The following NXPH1 variants were observed in gnomAD, a reference collection of about 807,000 sequenced individuals.
NXPH1 encodes neurexophilin 1.
A neutral mutation model predicts 23.7 loss-of-function variants in NXPH1; 5 were observed. The ratio of observed to expected loss-of-function variants is 0.21; its 90% CI spans 0.11 to 0.44. The LOEUF is 0.44. Among genes scored for constraint, NXPH1 ranks in the 20% least tolerant of loss-of-function variants. NXPH1 has a pLI of 0.99. For synonymous variants in NXPH1, 144 were observed against 122.2 expected (o/e 1.18, Z -1.18); for missense variants, 324 against 321.6 (o/e 1.01, Z -0.06).
intron 2 of NXPH1, among the ~76,000 whole-genome samples, chr7:8,518,199 C>T (rs1037914386): frequency 2.6e-5 from 4 of 151,782 alleles, no homozygotes; most frequent in Admixed American, 6.6e-5. Flanking sequence ...AAGGAAAAAC[C>T]CAGACTTATT....
At chr7:8,668,995 G>A (rs189206544) in intron 2 of NXPH1, among the ~76,000 whole-genome samples, 52 of 152,168 alleles carry the variant, frequency 3.4e-4, no homozygotes, top group African/African-American at 1.3e-3. Context: ...TGGAGCATGG[G>A]TGTGTGAGTG....
chr7:8,672,134 A>C lies in NXPH1; in HGVS notation c.55-78874A>C, dbSNP rs1237801821. ...AAATGTGGCACATATACACCATGGAATACTATGCAGCCATAAAAAATGATG... is the reference window on the plus strand; with the variant it reads ...AAATGTGGCACATATACACCATGGACTACTATGCAGCCATAAAAAATGATG... On this transcript the variant is annotated intron_variant, in intron 2 of 2. Transcript: ENST00000405863. Among the ~76,000 whole-genome samples, 5 of 152,178 alleles carry C rather than the reference A, an allele frequency of 3.3e-5. No individual in the cohort carries two copies. The East Asian group carries it at 9.6e-4, about 29-fold the overall frequency.
intron 2 of NXPH1, among the ~76,000 whole-genome samples, chr7:8,575,142 A>G (rs1464959628): frequency 6.6e-6 from 1 of 152,180 alleles, no homozygotes; most frequent in East Asian, 1.9e-4. Flanking sequence ...TTGTCATAAA[A>G]CTTTGCTCAG....
In NXPH1 at chr7:8,665,846, C is replaced by T. The variant is rs369083921; in HGVS notation, c.55-85162C>T. Among the ~76,000 whole-genome samples, 26 of 146,080 alleles carry T rather than the reference C, an allele frequency of 1.8e-4. 1 individual carries two copies. Among genetic ancestry groups the T allele is most frequent in the Admixed American group, 5.5e-4 (8 of 14,648 alleles). ...AGTGTATAGAAATGCTACTGATAATCGTATATTGATTTTGTATCCTGCAAC... is the reference window on the plus strand; with the variant it reads ...AGTGTATAGAAATGCTACTGATAATTGTATATTGATTTTGTATCCTGCAAC... On this transcript the variant is annotated intron_variant, in intron 2 of 2. Transcript: ENST00000405863.
intron 2 of NXPH1, among the ~76,000 whole-genome samples, chr7:8,528,881 T>C (rs1817906981): frequency 6.6e-6 from 1 of 152,212 alleles, no homozygotes; most frequent in Admixed American, 6.5e-5. Context: ...AACACATATT[T>C]GTTATTTCAG....
chr7:8,661,637 G>C (rs1820675601), intron 2 of NXPH1, among the ~76,000 whole-genome samples: 1 of 152,068 alleles, frequency 6.6e-6, no homozygotes, highest in African/African-American at 2.4e-5. Flanking sequence ...TAAAAAGTCA[G>C]TGTAAAACAA....
At chr7:8,582,060 G>T (rs1025657430) in intron 2 of NXPH1, among the ~76,000 whole-genome samples, 18 of 152,312 alleles carry the variant, frequency 1.2e-4, no homozygotes, top group Middle Eastern at 3.4e-3. Flanking sequence ...CTGTGGCAGG[G>T]TGGGCAGCTC....
At chr7:8,726,089 G>T (rs1289833522) in intron 2 of NXPH1, among the ~76,000 whole-genome samples, 1 of 152,012 alleles carries the variant, frequency 6.6e-6, no homozygotes, top group African/African-American at 2.4e-5. Context: ...TATTTCCTTA[G>T]GAATTTGGAC....
chr7:8,630,737 A>T (rs1240650426), intron 2 of NXPH1, among the ~76,000 whole-genome samples: 6 of 152,118 alleles, frequency 3.9e-5, no homozygotes, highest in African/African-American at 1.4e-4. Flanking sequence ...ACTTCACTTT[A>T]TTGTTTGAAA....
chr7:8,577,430 T>C (rs1818775763), intron 2 of NXPH1, among the ~76,000 whole-genome samples: 1 of 152,196 alleles, frequency 6.6e-6, no homozygotes, highest in African/African-American at 2.4e-5. Flanking sequence ...GGAATATGTA[T>C]GTGTAGTTTC....
At chr7:8,698,808 A>G (rs55844602) in intron 2 of NXPH1, among the ~76,000 whole-genome samples, 15,161 of 152,132 alleles carry the variant, frequency 0.1, 1,608 homozygotes, top group African/African-American at 0.27. Context: ...TCTTATATCA[A>G]TGTAATTTTC....
chr7:8,511,709 A>G (rs1034628282), intron 2 of NXPH1, among the ~76,000 whole-genome samples: 3 of 152,132 alleles, frequency 2.0e-5, no homozygotes, highest in Middle Eastern at 3.2e-3. Flanking sequence ...GCACCAGTAT[A>G]CTACAGCAAA....
intron 2 of NXPH1, among the ~76,000 whole-genome samples, chr7:8,679,478 A>G (rs1821017688): frequency 6.6e-6 from 1 of 152,218 alleles, no homozygotes; most frequent in African/African-American, 2.4e-5. Flanking sequence ...TGTTTAATTG[A>G]TAACGTTAGA....
intron 2 of NXPH1, among the ~76,000 whole-genome samples, chr7:8,642,834 A>G (rs1407472300): frequency 6.6e-6 from 1 of 151,672 alleles, no homozygotes; most frequent in Non-Finnish European, 1.5e-5. Flanking sequence ...TTTACTATGG[A>G]TGTCTGGGCA....
chr7:8,729,240 CT>C (rs1780108835), intron 2 of NXPH1, among the ~76,000 whole-genome samples: 2 of 147,728 alleles, frequency 1.4e-5, no homozygotes, highest in Non-Finnish European at 3.0e-5. Context: ...TTTTTTCTTT[CT>C]TAGTCTTGCT....
chr7:8,587,159 A>G (rs1430759744), intron 2 of NXPH1, among the ~76,000 whole-genome samples: 6 of 152,098 alleles, frequency 3.9e-5, no homozygotes, highest in Non-Finnish European at 8.8e-5. Flanking sequence ...CATGTTTCTC[A>G]TAACCTTAAT....
chr7:8,511,587 A>G (rs531683190), intron 2 of NXPH1, among the ~76,000 whole-genome samples: 5 of 152,234 alleles, frequency 3.3e-5, no homozygotes, highest in African/African-American at 1.2e-4. Context: ...AGAACAAAAG[A>G]AGAAGCTGCA....
At chr7:8,449,440 G>C (rs905476990) in intron 2 of NXPH1, among the ~76,000 whole-genome samples, 1 of 152,172 alleles carries the variant, frequency 6.6e-6, no homozygotes, top group African/African-American at 2.4e-5. Flanking sequence ...CACTGTGCCA[G>C]GACCTTAACA....
chr7:8,704,785 C>G (rs1219567967), intron 2 of NXPH1, among the ~76,000 whole-genome samples: 2 of 151,830 alleles, frequency 1.3e-5, no homozygotes. Context: ...GTCTGGTGGC[C>G]AGGAACTTGA....
Sources: gnomAD v4.1 joint callset for allele counts (sites outside exome capture counted in the v4.1 genomes callset) on GRCh38, gnomAD v4.1.1 for gene constraint, MANE v1.5 for transcripts, NCBI Gene and HGNC (gene_info 2026-07-23, HGNC 2026-07-21) for gene names.